The following RMDN3 variants were observed in gnomAD, a reference collection of about 807,000 sequenced individuals.
RMDN3 encodes the protein regulator of microtubule dynamics 3.
RMDN3 carries 41 observed loss-of-function variants against 61.8 expected under a neutral mutation model. The ratio of observed to expected loss-of-function variants is 0.66; its 90% CI spans 0.52 to 0.86. RMDN3 has a LOEUF of 0.86. RMDN3 is among the 40% of genes least tolerant of loss of function. The pLI, the probability that RMDN3 is intolerant of heterozygous loss-of-function variation, is 0.00. For synonymous variants in RMDN3, 247 were observed against 232.0 expected (o/e 1.06, Z -0.59); for missense variants, 557 against 585.3 (o/e 0.95, Z 0.50).
At chr15:40,754,935 T>G in intron 1 of RMDN3, 145 bp from the exon 2 acceptor site, 1 of 648,252 alleles carries the variant, frequency 1.5e-6, no homozygotes, top group African/African-American at 1.8e-5. Context: ...AGCTCTCGAC[T>G]ACGTGCACCC....
intron 6 of RMDN3, among the ~76,000 whole-genome samples, chr15:40,741,087 AAC>A (rs1198190191): frequency 1.1e-4 from 9 of 83,730 alleles, no homozygotes; most frequent in Admixed American, 6.2e-4. Context: ...CAAAAAAAAC[AAC>A]AACAACGGAT....
At chr15:40,749,298 G>A (rs1228138468) in intron 4 of RMDN3, among the ~76,000 whole-genome samples, 1 of 152,248 alleles carries the variant, frequency 6.6e-6, no homozygotes, top group Non-Finnish European at 1.5e-5. Flanking sequence ...AGAACTGCTT[G>A]AGGCCAAGAG....
chr15:40,741,548 G>A (rs775912724), intron 6 of RMDN3, among the ~76,000 whole-genome samples: 1 of 150,604 alleles, frequency 6.6e-6, no homozygotes, highest in Non-Finnish European at 1.5e-5. Context: ...TAAGAGTATC[G>A]AGGCTGGAGC....
chr15:40,740,080 C>CCT, intron 7 of RMDN3, 53 bp downstream of exon 7: 1 of 1,188,356 alleles, frequency 8.4e-7, no homozygotes, highest in Non-Finnish European at 1.3e-6. Context: ...AAAGGGCTGT[C>CCT]CTCTGCTTTG....
chr15:40,744,961 G>A lies in RMDN3; in HGVS notation c.807+16C>T. The stretch of plus-strand genomic sequence containing the variant: ...GAGGGAGGGAAGGAGAAGGAGACAG[G>A]CAGCTGGAGCCTCACCACCAGCTTG... On this transcript the variant is annotated intron_variant, in intron 5 of 12. Coordinates refer to ENST00000338376, the MANE Select transcript of RMDN3 (RefSeq NM_018145.3). The A allele has an allele frequency of 6.4e-7, 1 of 1,574,632 alleles. No individual in the cohort carries two copies. The highest frequency in any genetic ancestry group is 8.6e-7 in the Non-Finnish European group (1 of 1,159,280).
chr15:40,746,500 G>C (rs555026984), intron 4 of RMDN3, among the ~76,000 whole-genome samples: 4 of 143,942 alleles, frequency 2.8e-5, no homozygotes, highest in African/African-American at 5.2e-5. Context: ...CTGGGCGACA[G>C]AGCAAGACTC....
At chr15:40,753,383 G>A (rs375492587) in intron 2 of RMDN3, among the ~76,000 whole-genome samples, 9 of 152,024 alleles carry the variant, frequency 5.9e-5, no homozygotes, top group Non-Finnish European at 8.8e-5. Context: ...ATGGTGGCAC[G>A]CACCTGTGAT....
intron 4 of RMDN3, among the ~76,000 whole-genome samples, chr15:40,749,193 G>T (rs1020302734): frequency 2.6e-5 from 4 of 152,192 alleles, no homozygotes; most frequent in South Asian, 2.1e-4. Flanking sequence ...CTGAGCCACC[G>T]CGCCTGGCCT....
rs1468192953 is a variant in RMDN3, at chr15:40,751,473, G to A, written c.477C>T (p.Phe159=). The change falls in exon 4 of 13, where the codon TTC becomes TTT. Residue 159 remains phenylalanine, a synonymous_variant. Coordinates refer to ENST00000338376, the MANE Select transcript of RMDN3 (RefSeq NM_018145.3). ...SDSTGSSSVY[F]TASSGATFTD... ...TGAACGTGGCTCCCGAGGAGGCCGTGAAGTAGACAGAGCTGGAGCCAGTGG... is the reference window on the plus strand; with the variant it reads ...TGAACGTGGCTCCCGAGGAGGCCGTAAAGTAGACAGAGCTGGAGCCAGTGG... 1.2e-6 allele frequency: 2 copies of A among 1,614,120 alleles called. No individual in the cohort carries two copies. Among genetic ancestry groups the A allele is most frequent in the Non-Finnish European group, 1.7e-6 (2 of 1,180,050 alleles).
chr15:40,736,314 A>G lies in RMDN3; in HGVS notation c.*227T>C, dbSNP rs2141895545. ...TGAATCTTGATTTTTTTAAGAGATT[A>G]CTCAAGGGAGAGAACAACAGAAACG... On this transcript the variant is annotated 3_prime_UTR_variant, in exon 13 of 13. Coordinates refer to ENST00000338376, the MANE Select transcript of RMDN3 (RefSeq NM_018145.3). 1 of 488,748 alleles carries G rather than the reference A, an allele frequency of 2.0e-6. No homozygotes were observed. Among genetic ancestry groups the G allele is most frequent in the Non-Finnish European group, 3.6e-6 (1 of 278,218 alleles). The allele number at this position is 488,748 out of a possible 1,614,324, so 30.3% of individuals were successfully genotyped here.
chr15:40,739,661 T>C (rs1348107229), intron 7 of RMDN3: 1 of 156,632 alleles, frequency 6.4e-6, no homozygotes, highest in East Asian at 1.8e-4. Context: ...AAAGGGCTGA[T>C]GTTTTTGCAG....
chr15:40,745,077 T>C lies in RMDN3; in HGVS notation c.707A>G (p.Glu236Gly). 6.2e-7 allele frequency: 1 copy of C among 1,614,062 alleles called. No individual in the cohort carries two copies. Among genetic ancestry groups the C allele is most frequent in the South Asian group, 1.1e-5 (1 of 91,080 alleles). Reference protein sequence around the residue: ...ALEAGGSSGLEDVLPLLQQAD... With the variant: ...ALEAGGSSGLGDVLPLLQQAD... Reference sequence around the variant, plus strand: ...CTGCTGCAGGAGGGGCAGCACATCCTCCAAGCCTGAGGAACCTCCAGCCTC... The same window carrying C: ...CTGCTGCAGGAGGGGCAGCACATCCCCCAAGCCTGAGGAACCTCCAGCCTC... Residue 236 changes from glutamate to glycine, a missense_variant, in exon 5 of 13, where the codon GAG becomes GGG. Transcript: ENST00000338376.
chr15:40,737,902 G>A (rs1008603063), intron 9 of RMDN3, 63 bp downstream of exon 9: 1 of 1,570,988 alleles, frequency 6.4e-7, no homozygotes, highest in African/African-American at 1.3e-5. Context: ...GTTCTTCCTG[G>A]CAAGGAAATC....
intron 5 of RMDN3, chr15:40,744,371 G>T: frequency 2.0e-6 from 1 of 506,474 alleles, no homozygotes; most frequent in South Asian, 2.1e-5. Flanking sequence ...GCACAATTAC[G>T]GGGTGAGGGC....
intron 8 of RMDN3, 106 bp downstream of exon 8, chr15:40,738,391 GAAGA>G (rs1172935493): frequency 4.3e-6 from 4 of 920,738 alleles, no homozygotes; most frequent in Non-Finnish European, 6.7e-6. Context: ...CAAAAAAAAA[GAAGA>G]AAGGCAAGTC....
chr15:40,755,051 CAG>C (rs1897989203), intron 1 of RMDN3, 30 bp downstream of exon 1: 4 of 421,218 alleles, frequency 9.5e-6, no homozygotes, highest in Non-Finnish European at 1.3e-5. Context: ...ACCCGGGTCA[CAG>C]AGTCCGGCTT....
intron 6 of RMDN3, among the ~76,000 whole-genome samples, chr15:40,743,013 T>A (rs558476186): frequency 3.9e-5 from 6 of 152,348 alleles, no homozygotes; most frequent in Non-Finnish European, 8.8e-5. Context: ...ATTGACAGAA[T>A]TCTACAAATG....
chr15:40,740,069 G>T, intron 7 of RMDN3, 64 bp downstream of exon 7: 2 of 1,105,490 alleles, frequency 1.8e-6, no homozygotes, highest in Admixed American at 1.9e-5. Flanking sequence ...GCAGAGAAAA[G>T]AAAGGGCTGT....
intron 4 of RMDN3, among the ~76,000 whole-genome samples, chr15:40,750,210 GTTTT>G (rs10586666): frequency 9.6e-4 from 86 of 89,700 alleles, no homozygotes; most frequent in African/African-American, 2.9e-3. Context: ...TGCCCAGCTC[GTTTT>G]TTTTTTTTTT....
Sources: allele counts gnomAD v4.1 joint callset (sites outside exome capture counted in the v4.1 genomes callset), GRCh38; gene constraint gnomAD v4.1.1; transcripts MANE v1.5; gene names NCBI Gene and HGNC (gene_info 2026-07-23, HGNC 2026-07-21).